The following EPB41 variants were observed in gnomAD, a reference collection of about 807,000 sequenced individuals.
EPB41 encodes erythrocyte membrane protein band 4.1.
Under a neutral mutation model 108.0 loss-of-function variants are expected in EPB41, and 65 were observed. The ratio of observed to expected loss-of-function variants is 0.60; its 90% CI spans 0.49 to 0.74. The LOEUF is 0.74. Among genes scored for constraint, EPB41 ranks in the 30% least tolerant of loss-of-function variants. The pLI, the probability that EPB41 is intolerant of heterozygous loss-of-function variation, is 0.00. For missense variants in EPB41, 875 were observed against 1,037.0 expected, an observed-to-expected ratio of 0.84 and a Z score of 2.15; for synonymous variants, 336 against 358.9, an observed-to-expected ratio of 0.94 and a Z score of 0.72.
intron 1 of EPB41, among the ~76,000 whole-genome samples, chr1:28,896,610 G>A (rs2147865367): frequency 6.6e-6 from 1 of 152,248 alleles, no homozygotes. Flanking sequence ...GACATTCCTA[G>A]TGGAAGGAAC....
intron 1 of EPB41, among the ~76,000 whole-genome samples, chr1:28,975,765 G>A (rs1228688365): frequency 1.3e-5 from 2 of 151,862 alleles, no homozygotes; most frequent in South Asian, 2.1e-4. Context: ...TCAGGAGCTC[G>A]AGAACATCCT....
rs1056597608 is a variant in EPB41, at chr1:29,018,658, A to G, written c.1124+216A>G. On this transcript the variant is annotated intron_variant, in intron 7 of 20. Transcript: ENST00000343067. This position sits in a 1 kb window ranked among gnomAD's most constrained non-coding sequence, Gnocchi z 4.4. ...TGCATTGTAGGGTGAAAACTAAATG[A>G]GGTAATATATGTAAAGCACTTAGCA... 1.1e-4 allele frequency among the ~76,000 whole-genome samples: 17 copies of G among 152,158 alleles called. No individual in the cohort carries two copies. The highest frequency in any genetic ancestry group is 3.9e-4 in the African/African-American group (16 of 41,432).
At chr1:28,890,016 AT>A (rs66825506) in intron 1 of EPB41, among the ~76,000 whole-genome samples, 1 of 35,152 alleles carries the variant, frequency 2.8e-5, no homozygotes, top group East Asian at 4.0e-3. Context: ...TTTTATTTTT[AT>A]TTTTATTTTT....
intron 8 of EPB41, 88 bp from the exon 9 acceptor site, chr1:29,033,005 G>T: frequency 2.4e-6 from 3 of 1,252,350 alleles, no homozygotes; most frequent in Non-Finnish European, 3.5e-6. Flanking sequence ...AACTGTTTTT[G>T]GTTGTTATCT....
At chr1:29,019,937 CACGTTTGCTTTTTAAGTTTTG>C (rs1363888474) in intron 7 of EPB41, among the ~76,000 whole-genome samples, 1 of 152,308 alleles carries the variant, frequency 6.6e-6, no homozygotes, top group East Asian at 1.9e-4. Context: ...AAGAGAACTG[CACGTTTGCTTTTTAAGTTTTG>C]ACTTATTCCA....
intron 12 of EPB41, chr1:29,054,503 G>A (rs1487508476): frequency 6.8e-6 from 1 of 146,036 alleles, no homozygotes; most frequent in Non-Finnish European, 1.5e-5. Flanking sequence ...TATCTCTAGA[G>A]CAGTGGACAG....
Position 29,012,051 on chromosome 1 carries a change from A to C in EPB41, c.829+144A>C, listed in dbSNP as rs939125242. On this transcript the variant is annotated intron_variant, in intron 5 of 20. Coordinates refer to ENST00000343067, the MANE Select transcript of EPB41 (RefSeq NM_001376013.1). Reference sequence around the variant, plus strand: ...AAATCGAGATAAAGCCTTCTCCTGGAAGGAGGAGATTCCATAATAGAAAAA... The same window carrying C: ...AAATCGAGATAAAGCCTTCTCCTGGCAGGAGGAGATTCCATAATAGAAAAA... 1.3e-5 allele frequency: 11 copies of C among 823,404 alleles called. No individual in the cohort carries two copies. In the African/African-American group the frequency reaches 1.9e-4, roughly 14 times the overall value. The allele number at this position is 823,404 out of a possible 1,614,324, so 51.0% of individuals were successfully genotyped here.
chr1:29,082,147 C>T (rs914454926), intron 16 of EPB41, among the ~76,000 whole-genome samples: 6 of 152,276 alleles, frequency 3.9e-5, no homozygotes, highest in East Asian at 1.9e-4. Context: ...GTTTTTGAGA[C>T]GGAGTCTCAC....
chr1:29,030,607 A>G (rs1572744749), intron 8 of EPB41, 120 bp downstream of exon 8: 1 of 810,180 alleles, frequency 1.2e-6, no homozygotes, highest in East Asian at 2.6e-5. Flanking sequence ...GGGGTATTTT[A>G]AAACATTCAA....
At chr1:28,913,933 G>T (rs960466746), upstream of EPB41, among the ~76,000 whole-genome samples, 1 of 152,184 alleles carries the variant, frequency 6.6e-6, no homozygotes, top group African/African-American at 2.4e-5. Flanking sequence ...ATCCTTAAAT[G>T]CAGAAGACAG....
chr1:29,044,640 G>A (rs1286254766), intron 11 of EPB41, among the ~76,000 whole-genome samples: 1 of 152,046 alleles, frequency 6.6e-6, no homozygotes, highest in Non-Finnish European at 1.5e-5. Flanking sequence ...TCAGGAGTTC[G>A]AGACCAACCA....
In EPB41 at chr1:29,069,355, C is replaced by T. The variant is rs1650117442; in HGVS notation, c.2184+4197C>T. The T allele has an allele frequency of 4.1e-6, 5 of 1,231,052 alleles. No homozygotes were observed. The South Asian group carries it at 1.2e-4, about 31-fold the overall frequency. The allele number at this position is 1,231,052 out of a possible 1,614,324, so 76.3% of individuals were successfully genotyped here. A position where few individuals can be genotyped will look rare whatever the true frequency, so the allele number is the denominator to read the frequency against. On this transcript the variant is annotated intron_variant, in intron 16 of 20. Coordinates refer to ENST00000343067, the MANE Select transcript of EPB41 (RefSeq NM_001376013.1). ...GAAATTGCAGGGGGAATAAAAACTT[C>T]TCAATTGGACAATTGGGGAGAAAAA... is the stretch of plus-strand genomic sequence containing the variant.
At chr1:28,997,818 T>A (rs966827241) in intron 4 of EPB41, among the ~76,000 whole-genome samples, 5 of 152,168 alleles carry the variant, frequency 3.3e-5, no homozygotes, top group Admixed American at 2.6e-4. Context: ...AATCTGACAT[T>A]TCCTCCAACC....
intron 1 of EPB41, among the ~76,000 whole-genome samples, chr1:28,969,206 T>C (rs1225577527): frequency 2.6e-5 from 4 of 151,418 alleles, no homozygotes; most frequent in Admixed American, 2.6e-4. Flanking sequence ...TGCCTCAGTC[T>C]CTCCAGTAGC....
Position 29,053,149 on chromosome 1 carries a change from C to T in EPB41, c.1682C>T (p.Ala561Val), listed in dbSNP as rs143996470. The stretch of plus-strand genomic sequence containing the variant: ...GACCGAAGTCCTCGGCCCACTTCTG[C>T]ACCTGCCATTACTCAGGGTCAGGTT... ...SADRSPRPTS[A>V]PAITQGQVAE... The change falls in exon 12 of 21, where the codon GCA (alanine) becomes GTA (valine). Residue 561 changes from alanine (A) to valine (V), a missense_variant. Transcript: ENST00000343067. 1.2e-6 allele frequency: 2 copies of T among 1,614,212 alleles called. No individual in the cohort carries two copies. The highest frequency in any genetic ancestry group is 1.3e-5 in the African/African-American group (1 of 75,056).
At chr1:28,969,625 C>T (rs963397897) in intron 1 of EPB41, among the ~76,000 whole-genome samples, 6 of 151,680 alleles carry the variant, frequency 4.0e-5, no homozygotes, top group African/African-American at 4.8e-5. Flanking sequence ...ATTGGCCGGT[C>T]GCAGTGGCTC....
intron 7 of EPB41, among the ~76,000 whole-genome samples, chr1:29,023,773 T>C (rs764210289): frequency 6.6e-6 from 1 of 151,838 alleles, no homozygotes; most frequent in Non-Finnish European, 1.5e-5. Flanking sequence ...GGTCCTGAGA[T>C]CAAAAAAGTT....
chr1:29,109,217 C>T, intron 17 of EPB41, 119 bp from the exon 18 acceptor site: 1 of 761,766 alleles, frequency 1.3e-6, no homozygotes, highest in South Asian at 1.6e-5. Flanking sequence ...AAAAAGAGGT[C>T]ATTCTAAGGG....
intron 12 of EPB41, among the ~76,000 whole-genome samples, chr1:29,056,814 C>T (rs12063952): frequency 0.12 from 18,690 of 152,144 alleles, 1,571 homozygotes; most frequent in African/African-American, 0.25. Context: ...GCGTGAGCCA[C>T]CGTACCCGGC....
Sources: gnomAD v4.1 joint callset for allele counts (sites outside exome capture counted in the v4.1 genomes callset) on GRCh38, gnomAD v4.1.1 for gene constraint, Gnocchi (gnomAD v3.1) non-coding constraint, MANE v1.5 for transcripts, NCBI Gene and HGNC (gene_info 2026-07-23, HGNC 2026-07-21) for gene names.